FAM171A1: variants seen among roughly 807,000 people sequenced by gnomAD.
FAM171A1 encodes protein FAM171A1.
A neutral mutation model predicts 74.9 loss-of-function variants in FAM171A1; 23 were observed. That is an observed-to-expected ratio of 0.31 (90% CI 0.22 to 0.44). The LOEUF (loss-of-function observed/expected upper bound fraction) is 0.44. FAM171A1 is among the 20% of genes least tolerant of loss of function. The pLI is 1.00. For missense variants in FAM171A1, 1,162 were observed against 1,159.2 expected (o/e 1.00, Z -0.03); for synonymous variants, 527 against 505.7 (o/e 1.04, Z -0.57).
chr10:15,346,032 A>C (rs7915748), intron 1 of FAM171A1, among the ~76,000 whole-genome samples: 133,485 of 152,132 alleles, frequency 0.88, 58,606 homozygotes, highest in East Asian at 1. Flanking sequence ...TATAGACAGC[A>C]GCTTCTGTCT....
chr10:15,331,404 A>G (rs1304868944), intron 1 of FAM171A1, among the ~76,000 whole-genome samples: 1 of 152,092 alleles, frequency 6.6e-6, no homozygotes, highest in East Asian at 1.9e-4. Context: ...ACGTTTTACC[A>G]TACTACCTGG....
intron 1 of FAM171A1, among the ~76,000 whole-genome samples, chr10:15,333,259 C>T (rs74375842): frequency 0.073 from 11,036 of 151,856 alleles, 512 homozygotes; most frequent in Middle Eastern, 0.11. Flanking sequence ...TTTGGGAGGC[C>T]GAGGCGGGTG....
At chr10:15,255,810 G>A (rs1834573335) in intron 3 of FAM171A1, among the ~76,000 whole-genome samples, 1 of 151,966 alleles carries the variant, frequency 6.6e-6, no homozygotes, top group Admixed American at 6.6e-5. Context: ...ACCACACCCA[G>A]CTAATTTTTG....
At chr10:15,296,227 A>G (rs1206554199) in intron 1 of FAM171A1, among the ~76,000 whole-genome samples, 1 of 152,172 alleles carries the variant, frequency 6.6e-6, no homozygotes, top group African/African-American at 2.4e-5. Flanking sequence ...GTGCACATGC[A>G]CCTTGTATTA....
intron 1 of FAM171A1, among the ~76,000 whole-genome samples, chr10:15,295,373 C>A (rs542009404): frequency 1.3e-5 from 2 of 152,162 alleles, no homozygotes; most frequent in Non-Finnish European, 2.9e-5. Flanking sequence ...AACATAAAAT[C>A]TTTTATGGTT....
At chr10:15,327,122 G>C (rs1250474898) in intron 1 of FAM171A1, among the ~76,000 whole-genome samples, 1 of 152,228 alleles carries the variant, frequency 6.6e-6, no homozygotes, top group Middle Eastern at 3.4e-3. Flanking sequence ...AAATCCCTAG[G>C]AGGCATGATA....
intron 3 of FAM171A1, among the ~76,000 whole-genome samples, chr10:15,273,394 T>G (rs2131796801): frequency 6.6e-6 from 1 of 152,220 alleles, no homozygotes; most frequent in Admixed American, 6.5e-5. Flanking sequence ...ACTGAGGCAA[T>G]AATTAACAGC....
At chr10:15,218,482 CT>C (rs1329742216) in intron 6 of FAM171A1, among the ~76,000 whole-genome samples, 1 of 152,084 alleles carries the variant, frequency 6.6e-6, no homozygotes, top group East Asian at 1.9e-4. Flanking sequence ...TTTGTTGTTG[CT>C]TTTGAGTTCA....
At chr10:15,239,306 T>A (rs1834334049) in intron 5 of FAM171A1, among the ~76,000 whole-genome samples, 1 of 152,088 alleles carries the variant, frequency 6.6e-6, no homozygotes, top group Middle Eastern at 3.2e-3. Context: ...TTATTTATTT[T>A]TATTTTTATT....
chr10:15,213,820 G>A lies in FAM171A1; in HGVS notation c.1768C>T (p.Leu590Phe). The A allele has an allele frequency of 6.2e-7, 1 of 1,614,204 alleles. No homozygotes were observed. Among genetic ancestry groups the A allele is most frequent in the Non-Finnish European group, 8.5e-7 (1 of 1,180,044 alleles). The change falls in exon 8 of 8, where the codon CTC becomes TTC. Residue 590 changes from leucine to phenylalanine, a missense_variant. By Grantham distance (22) the Leu-to-Phe change is conservative (BLOSUM62 0). Transcript: ENST00000378116. This position sits in a 1 kb window ranked among gnomAD's most constrained non-coding sequence, Gnocchi z 6.8. ...CTGACATAGGAGTGGTCCCCGGGGAGTTTCATATAATGAGCCGGGATGACC... is the reference window on the plus strand; with the variant it reads ...CTGACATAGGAGTGGTCCCCGGGGAATTTCATATAATGAGCCGGGATGACC... ...ALVIPAHYMK[L>F]PGDHSYVSQP...
Position 15,214,269 on chromosome 10 carries a change from C to T in FAM171A1, c.1319G>A (p.Ser440Asn). 6.2e-7 allele frequency: 1 copy of T among 1,614,008 alleles called. No individual in the cohort carries two copies. Among genetic ancestry groups the T allele is most frequent in the Non-Finnish European group, 8.5e-7 (1 of 1,179,994 alleles). The change falls in exon 8 of 8, where the codon AGC (serine) becomes AAC (asparagine). Residue 440 changes from serine (S) to asparagine (N), a missense_variant. Coordinates refer to ENST00000378116, the MANE Select transcript of FAM171A1 (RefSeq NM_001010924.2). The stretch of plus-strand genomic sequence containing the variant: ...AGTGAGGTTATCAAAGGAGATCTGG[C>T]TTTTATCCTCTTCCTTGCAAGAGAG... ...ELLSCKEEDKSQISFDNLTPS... is the reference protein window; with the variant it reads ...ELLSCKEEDKNQISFDNLTPS...
chr10:15,335,491 G>A (rs982859105), intron 1 of FAM171A1, among the ~76,000 whole-genome samples: 5 of 152,120 alleles, frequency 3.3e-5, no homozygotes, highest in African/African-American at 4.8e-5. Context: ...ACCACAATCC[G>A]AAACTGCCTT....
chr10:15,221,306 C>T (rs1164852117), intron 5 of FAM171A1, among the ~76,000 whole-genome samples: 1 of 152,180 alleles, frequency 6.6e-6, no homozygotes, highest in African/African-American at 2.4e-5. Context: ...TTACTTTCAG[C>T]CACTTTATCA....
rs576909746 is a variant in FAM171A1 at position 15,263,291 on chromosome 10, T to C, written c.419-8412A>G. Among the ~76,000 whole-genome samples, 149 of 152,278 alleles carry C rather than the reference T, an allele frequency of 9.8e-4. 2 individuals carry two copies. The highest frequency in any genetic ancestry group is 3.5e-3 in the African/African-American group (144 of 41,552). ...CCCCCAGTCTCATCTCCGGCATTCATACAATGCCAGCCTCCCCATTCATCC... is the reference window on the plus strand; with the variant it reads ...CCCCCAGTCTCATCTCCGGCATTCACACAATGCCAGCCTCCCCATTCATCC... On this transcript the variant is annotated intron_variant, in intron 3 of 7. Transcript: ENST00000378116.
At chr10:15,334,593 C>T (rs1433757973) in intron 1 of FAM171A1, among the ~76,000 whole-genome samples, 3 of 152,152 alleles carry the variant, frequency 2.0e-5, no homozygotes, top group Non-Finnish European at 2.9e-5. Context: ...CTTCATAGGA[C>T]ATCAATAGCT....
At chr10:15,233,855 T>C (rs1000175126) in intron 5 of FAM171A1, among the ~76,000 whole-genome samples, 1 of 149,082 alleles carries the variant, frequency 6.7e-6, no homozygotes, top group Non-Finnish European at 1.5e-5. Flanking sequence ...TGAGCTGAGA[T>C]AGTGCCACTG....
chr10:15,264,795 A>G (rs1834716815), intron 3 of FAM171A1, among the ~76,000 whole-genome samples: 2 of 152,086 alleles, frequency 1.3e-5, no homozygotes, highest in Admixed American at 1.3e-4. Context: ...AAAAATAAAT[A>G]AACTGTATTA....
intron 3 of FAM171A1, among the ~76,000 whole-genome samples, chr10:15,260,026 C>T (rs1274316784): frequency 6.6e-6 from 1 of 151,952 alleles, no homozygotes; most frequent in East Asian, 1.9e-4. Flanking sequence ...GAGGTTTCGC[C>T]ATGTTGCCCA....
chr10:15,265,456 T>C (rs952650820), intron 3 of FAM171A1, among the ~76,000 whole-genome samples: 7 of 148,666 alleles, frequency 4.7e-5, no homozygotes, highest in African/African-American at 1.8e-4. Flanking sequence ...CTACAAAAAA[T>C]ACAAAAAAAT....
Sources: allele counts gnomAD v4.1 joint callset (sites outside exome capture counted in the v4.1 genomes callset), GRCh38; gene constraint gnomAD v4.1.1; non-coding constraint Gnocchi (gnomAD v3.1); transcripts MANE v1.5; gene names NCBI Gene and HGNC (gene_info 2026-07-23, HGNC 2026-07-21).